The following NDUFC1 variants were observed in gnomAD, a reference collection of about 807,000 sequenced individuals.
NDUFC1 encodes NADH dehydrogenase [ubiquinone] 1 subunit C1, mitochondrial.
A neutral mutation model predicts 11.6 loss-of-function variants in NDUFC1; 11 were observed. The observed-to-expected ratio is 0.95, with a 90% CI of 0.60 to 1.58. The LOEUF (loss-of-function observed/expected upper bound fraction) is 1.58, where lower values mean the gene tolerates loss of function less well. NDUFC1 is among the 40% of genes most tolerant of loss of function. The pLI, the probability that NDUFC1 is intolerant of heterozygous loss-of-function variation, is 0.00. For missense variants in NDUFC1, 112 were observed against 93.0 expected (o/e 1.20, Z -0.84); for synonymous variants, 52 against 42.2 (o/e 1.23, Z -0.90).
intron 5 of NDUFC1, among the ~76,000 whole-genome samples, chr4:139,290,740 C>T (rs1000976249): frequency 6.6e-6 from 1 of 151,704 alleles, no homozygotes; most frequent in African/African-American, 2.4e-5. Context: ...TATATGTACA[C>T]TGTATATGGT....
intron 1 of NDUFC1, among the ~76,000 whole-genome samples, chr4:139,299,513 A>G (rs899885126): frequency 6.6e-6 from 1 of 152,230 alleles, no homozygotes; most frequent in Non-Finnish European, 1.5e-5. Context: ...CAGCGGCAGC[A>G]TATAGCCTTG....
At chr4:139,301,893 C>T in intron 1 of NDUFC1, 1 of 1,522,042 alleles carries the variant, frequency 6.6e-7, no homozygotes, top group Non-Finnish European at 8.9e-7. Flanking sequence ...GCCTGTCACC[C>T]CTAACCTCGG....
Position 139,295,064 on chromosome 4 carries a change from G to C in NDUFC1, c.150C>G (p.Thr50=). 6.2e-7 allele frequency: 1 copy of C among 1,614,040 alleles called. No homozygotes were observed. The highest frequency in any genetic ancestry group is 8.5e-7 in the Non-Finnish European group (1 of 1,179,922). Reference sequence around the variant, plus strand: ...TTACATAGATCCACAAGAAGACAGTGGTGCCCAAGGTGAACCCAACTTTCA... The same window carrying C: ...TTACATAGATCCACAAGAAGACAGTCGTGCCCAAGGTGAACCCAACTTTCA... The part of the protein sequence containing the change: ...DWLKVGFTLG[T]TVFLWIYLIK... The change falls in exon 4 of 6, where the codon ACC becomes ACG. Residue 50 remains threonine (T), a synonymous_variant. Coordinates refer to ENST00000394223, the MANE Select transcript of NDUFC1 (RefSeq NM_001184989.2).
At chr4:139,293,931 T>G (rs1360564273) in intron 4 of NDUFC1, among the ~76,000 whole-genome samples, 3 of 5,494 alleles carry the variant, frequency 5.5e-4, no homozygotes, top group African/African-American at 1.5e-3. Flanking sequence ...GTGGTGTGAA[T>G]TTTTTTTTTT....
At chr4:139,301,803 A>G in intron 1 of NDUFC1, 1 of 1,591,282 alleles carries the variant, frequency 6.3e-7, no homozygotes, top group Non-Finnish European at 8.6e-7. Context: ...CTCCCGCCCA[A>G]GGAGAATGCG....
chr4:139,301,886 T>C lies in NDUFC1; in HGVS notation c.-222+530A>G. On this transcript the variant is annotated intron_variant, in intron 1 of 5. Coordinates refer to ENST00000394223, the MANE Select transcript of NDUFC1 (RefSeq NM_001184989.2). The stretch of plus-strand genomic sequence containing the variant: ...GGAGGATTTAGCCGGTAACCGGGCC[T>C]GTCACCCCTAACCTCGGCCCGGCGG... 15 of 1,539,442 alleles carry C rather than the reference T, an allele frequency of 9.7e-6. No individual in the cohort carries two copies. In the South Asian group the frequency reaches 1.6e-4, roughly 16 times the overall value.
intron 1 of NDUFC1, chr4:139,301,902 G>GGCCCGGCGGGCACTGAGCCACTCCC: frequency 6.7e-7 from 1 of 1,500,090 alleles, no homozygotes; most frequent in African/African-American, 1.4e-5. Context: ...CCCTAACCTC[G>GGCCCGGCGGGCACTGAGCCACTCCC]GCCCGGCGGG....
At position 139,301,567 on chromosome 4, in the gene NDUFC1, A is replaced by AGGC. The variant is rs1406705441; in HGVS notation, c.-222+846_-222+848dup. 3.4e-5 allele frequency: 20 copies of AGGC among 583,580 alleles called. No homozygotes were observed. In the South Asian group the frequency reaches 4.0e-4, roughly 12 times the overall value. The allele number at this position is 583,580 out of a possible 1,614,324, so 36.2% of individuals were successfully genotyped here. A position where few individuals can be genotyped will look rare whatever the true frequency, so the allele number is the denominator to read the frequency against. Reference sequence around the variant, plus strand: ...CGCCGACGGAGACCCGTAGTGGGGGAGGCGGCGGCAGCGTTAAGTGAGAAA... The same window carrying AGGC: ...CGCCGACGGAGACCCGTAGTGGGGGAGGCGGCGGCGGCAGCGTTAAGTGAGAAA... On this transcript the variant is annotated intron_variant, in intron 1 of 5. Coordinates refer to ENST00000394223, the MANE Select transcript of NDUFC1 (RefSeq NM_001184989.2).
At chr4:139,300,337 G>A (rs3816413) in intron 1 of NDUFC1, among the ~76,000 whole-genome samples, 40,371 of 152,012 alleles carry the variant, frequency 0.27, 5,664 homozygotes, top group African/African-American at 0.35. Context: ...TGGGAAACAT[G>A]TATCTCAACT....
chr4:139,301,184 G>T, intron 1 of NDUFC1: 1 of 209,892 alleles, frequency 4.8e-6, no homozygotes. Flanking sequence ...GGGCTCAAAC[G>T]ATGATCACAC....
chr4:139,301,697 T>A (rs963293118), intron 1 of NDUFC1: 1 of 1,490,320 alleles, frequency 6.7e-7, no homozygotes, highest in African/African-American at 1.4e-5. Context: ...CTGAAGCAGC[T>A]ACGGAACGGC....
chr4:139,293,646 G>C (rs1255435848), intron 4 of NDUFC1, among the ~76,000 whole-genome samples: 2 of 152,134 alleles, frequency 1.3e-5, no homozygotes, highest in Non-Finnish European at 2.9e-5. Flanking sequence ...AAATATCTTA[G>C]AGCTGGGGGA....
At chr4:139,293,358 A>T (rs1384155154) in intron 4 of NDUFC1, among the ~76,000 whole-genome samples, 1 of 152,212 alleles carries the variant, frequency 6.6e-6, no homozygotes, top group East Asian at 1.9e-4. Context: ...GTCATGGAGG[A>T]CAGTCACATT....
At chr4:139,301,104 T>C (rs1228908850) in intron 1 of NDUFC1, 1 of 156,294 alleles carries the variant, frequency 6.4e-6, no homozygotes, top group Non-Finnish European at 1.4e-5. Context: ...CTCTGCTCCT[T>C]AAATTAGGCA....
intron 5 of NDUFC1, among the ~76,000 whole-genome samples, chr4:139,290,493 G>A (rs1403555158): frequency 1.3e-5 from 2 of 151,352 alleles, no homozygotes; most frequent in African/African-American, 4.9e-5. Flanking sequence ...TGGGCAGGGT[G>A]CTAATAGAAA....
rs1745150216 is a variant in NDUFC1, at chr4:139,290,112, A to C, written c.*21-20T>G. On this transcript the variant is annotated intron_variant, in intron 5 of 5. Transcript: ENST00000394223. ...GCATACCTATAATGAAGAAAAAAAA[A>C]ACTGTAGCATTAACCAGCAGAAATA... 1 of 152,134 alleles carries C rather than the reference A, an allele frequency of 6.6e-6. No individual in the cohort carries two copies. The highest frequency in any genetic ancestry group is 1.5e-5 in the Non-Finnish European group (1 of 68,026). The allele number at this position is 152,134 out of a possible 1,614,324, so 9.4% of individuals were successfully genotyped here.
At chr4:139,301,371 G>T (rs976393821) in intron 1 of NDUFC1, 1 of 419,970 alleles carries the variant, frequency 2.4e-6, no homozygotes, top group Non-Finnish European at 4.2e-6. Context: ...GACCCTCCCG[G>T]CCTCCACAGG....
At chr4:139,296,717 T>C (rs892723866) in intron 2 of NDUFC1, among the ~76,000 whole-genome samples, 1 of 152,248 alleles carries the variant, frequency 6.6e-6, no homozygotes, top group Non-Finnish European at 1.5e-5. Flanking sequence ...ATAGGTTTTA[T>C]CTTGCACAGT....
intron 2 of NDUFC1, among the ~76,000 whole-genome samples, chr4:139,296,824 A>G (rs1449251578): frequency 6.6e-6 from 1 of 152,254 alleles, no homozygotes; most frequent in Non-Finnish European, 1.5e-5. Flanking sequence ...TGACCCTTTA[A>G]AACTAATCCT....
Sources: allele counts gnomAD v4.1 joint callset (sites outside exome capture counted in the v4.1 genomes callset), GRCh38; gene constraint gnomAD v4.1.1; transcripts MANE v1.5; gene names NCBI Gene and HGNC (gene_info 2026-07-23, HGNC 2026-07-21).